RHOQ: variants seen among roughly 807,000 people sequenced by gnomAD.
The protein encoded by RHOQ is rho-related GTP-binding protein RhoQ.
In RHOQ, 7 loss-of-function variants were observed where a neutral mutation model predicts 25.8. That is an observed-to-expected ratio of 0.27 (90% confidence interval 0.15 to 0.51). The LOEUF (loss-of-function observed/expected upper bound fraction) is 0.51, where lower values mean the gene tolerates loss of function less well. RHOQ is among the 20% of genes least tolerant of loss of function. RHOQ has a pLI of 0.97. For synonymous variants in RHOQ, 97 were observed against 98.6 expected (o/e 0.98, Z 0.10); for missense variants, 165 against 260.6 (o/e 0.63, Z 2.53).
At chr2:46,563,644 A>G (rs942504361) in intron 2 of RHOQ, among the ~76,000 whole-genome samples, 1 of 150,940 alleles carries the variant, frequency 6.6e-6, no homozygotes, top group Non-Finnish European at 1.5e-5. Flanking sequence ...CAACACATCA[A>G]CTCTTGGCCT....
At chr2:46,564,957 A>G (rs73926508) in intron 2 of RHOQ, among the ~76,000 whole-genome samples, 3,770 of 152,308 alleles carry the variant, frequency 0.025, 161 homozygotes, top group African/African-American at 0.087. Flanking sequence ...ATGTAGAGGG[A>G]GCCCTGAATA....
In RHOQ at chr2:46,543,807, G is replaced by T. The variant is rs371750832; in HGVS notation, c.196G>T (p.Gly66Ter). The T allele has an allele frequency of 1.2e-6, 2 of 1,613,278 alleles. No individual in the cohort carries two copies. The highest frequency in any genetic ancestry group is 1.7e-6 in the Non-Finnish European group (2 of 1,179,568). ...QYLLGLYDTAGQEDYDRLRPL... is the reference protein window; with the variant it reads ...QYLLGLYDTA ...CCTCCTAGGACTCTATGACACGGCC[G>T]GACAGGTGAGTGTCTTGGCCTCTGG... The change falls in exon 2 of 5, where the codon GGA becomes TGA. Residue 66 changes from glycine (G) to a stop codon, truncating the protein, a stop_gained. Transcript: ENST00000238738. LOFTEE classifies it high-confidence loss of function.
intron 2 of RHOQ, among the ~76,000 whole-genome samples, chr2:46,546,266 G>A (rs1668040135): frequency 6.6e-6 from 1 of 151,320 alleles, no homozygotes; most frequent in African/African-American, 2.4e-5. Flanking sequence ...TCTGTCTCGG[G>A]TCTCTGTTCA....
chr2:46,555,844 G>A lies in RHOQ; in HGVS notation c.201+12032G>A, dbSNP rs541489599. Reference sequence around the variant, plus strand: ...CACTTGTGTCTTGACTGGGAGACCGGAATGCCTCCTGTTGTCTGAACAAGC... The same window carrying A: ...CACTTGTGTCTTGACTGGGAGACCGAAATGCCTCCTGTTGTCTGAACAAGC... On this transcript the variant is annotated intron_variant, in intron 2 of 4. Coordinates refer to ENST00000238738, the MANE Select transcript of RHOQ (RefSeq NM_012249.4). This position sits in a 1 kb window ranked among gnomAD's most constrained non-coding sequence, Gnocchi z 4.3. Among the ~76,000 whole-genome samples the A allele has an allele frequency of 1.8e-4, 28 of 152,292 alleles. No individual in the cohort carries two copies. The highest frequency in any genetic ancestry group is 6.0e-4 in the African/African-American group (25 of 41,554).
At chr2:46,553,720 C>T (rs575026549) in intron 2 of RHOQ, among the ~76,000 whole-genome samples, 1 of 151,046 alleles carries the variant, frequency 6.6e-6, no homozygotes, top group South Asian at 2.1e-4. Context: ...GCTGGGACTA[C>T]AGGTGCCCGC....
At chr2:46,558,462 A>C (rs1017763417) in intron 2 of RHOQ, among the ~76,000 whole-genome samples, 3 of 152,158 alleles carry the variant, frequency 2.0e-5, no homozygotes, top group Non-Finnish European at 4.4e-5. Flanking sequence ...GGAATTTTTA[A>C]GGCATTGTCC....
intron 2 of RHOQ, among the ~76,000 whole-genome samples, chr2:46,560,142 T>A (rs1454436416): frequency 6.6e-6 from 1 of 152,158 alleles, no homozygotes; most frequent in Non-Finnish European, 1.5e-5. Flanking sequence ...TTCCCATAGC[T>A]TCAGACCCTC....
At chr2:46,560,494 G>C in intron 2 of RHOQ, 1 of 447,196 alleles carries the variant, frequency 2.2e-6, no homozygotes, top group Non-Finnish European at 4.6e-6. Flanking sequence ...GGCTCCTGAT[G>C]AATTAATAAA....
chr2:46,569,306 A>C lies in RHOQ; in HGVS notation c.202-6781A>C, dbSNP rs1358656095. On this transcript the variant is annotated intron_variant, in intron 2 of 4. Transcript: ENST00000238738. This position sits in a 1 kb window ranked among gnomAD's most constrained non-coding sequence, Gnocchi z 4.1. ...GTGGTGGTCAGCTTAGATAAAATGG[A>C]ATCCTAAAACTTGATTTTTATCCCG... The C allele has an allele frequency of 6.6e-6, 1 of 152,222 alleles. No homozygotes were observed. The highest frequency in any genetic ancestry group is 1.5e-5 in the Non-Finnish European group (1 of 68,042). 9.4% of individuals were successfully genotyped at this position (152,222 alleles called of 1,614,324 possible). A position where few individuals can be genotyped will look rare whatever the true frequency, so the allele number is the denominator to read the frequency against.
In RHOQ at chr2:46,581,208, T is replaced by C. The variant is rs1669355477; in HGVS notation, c.*125T>C. The C allele has an allele frequency of 1.0e-6, 1 of 965,932 alleles. No homozygotes were observed. The highest frequency in any genetic ancestry group is 3.4e-4 in the Middle Eastern group (1 of 2,930). The allele number at this position is 965,932 out of a possible 1,614,324, so 59.8% of individuals were successfully genotyped here. On this transcript the variant is annotated 3_prime_UTR_variant, in exon 5 of 5. Transcript: ENST00000238738. ...AAAACTTGAAAGAAAACAAAACCTG[T>C]CCTCAGAATTCTATAAAGTGTATTA...
intron 2 of RHOQ, among the ~76,000 whole-genome samples, chr2:46,544,332 A>G (rs938234533): frequency 5.9e-5 from 9 of 152,170 alleles, no homozygotes; most frequent in Non-Finnish European, 1.0e-4. Context: ...TTGTGGTGTT[A>G]CCAAAGGACC....
At chr2:46,579,882 C>T (rs543966652) in intron 4 of RHOQ, among the ~76,000 whole-genome samples, 1 of 151,692 alleles carries the variant, frequency 6.6e-6, no homozygotes, top group Non-Finnish European at 1.5e-5. Context: ...CTTGACCTTG[C>T]TCTTTCTCCC....
rs1367379739 is a variant in RHOQ, at chr2:46,556,623, T to G, written c.201+12811T>G. 6.6e-6 allele frequency among the ~76,000 whole-genome samples: 1 copy of G among 152,118 alleles called. No homozygotes were observed. Among genetic ancestry groups the G allele is most frequent in the Non-Finnish European group, 1.5e-5 (1 of 68,034 alleles). On this transcript the variant is annotated intron_variant, in intron 2 of 4. Transcript: ENST00000238738. This position sits in a 1 kb window ranked among gnomAD's most constrained non-coding sequence, Gnocchi z 4.9. ...TATTTATCAAACATATAAATATCCATTAAACATAAGAGTGAGGTGAGGAAC... is the reference window on the plus strand; with the variant it reads ...TATTTATCAAACATATAAATATCCAGTAAACATAAGAGTGAGGTGAGGAAC...
chr2:46,555,031 C>T lies in RHOQ; in HGVS notation c.201+11219C>T, dbSNP rs148150764. Reference sequence around the variant, plus strand: ...GAGGTGTTTCCACCAGCCTCCTTGGCCCTGGAGGAATGGGGAAGGGACTGG... The same window carrying T: ...GAGGTGTTTCCACCAGCCTCCTTGGTCCTGGAGGAATGGGGAAGGGACTGG... On this transcript the variant is annotated intron_variant, in intron 2 of 4. Coordinates refer to ENST00000238738, the MANE Select transcript of RHOQ (RefSeq NM_012249.4). This position sits in a 1 kb window ranked among gnomAD's most constrained non-coding sequence, Gnocchi z 4.3. Among the ~76,000 whole-genome samples, 88 of 152,274 alleles carry T rather than the reference C, an allele frequency of 5.8e-4. 1 individual carries two copies. The East Asian group carries it at 0.015, about 26-fold the overall frequency.
At chr2:46,575,017 T>C (rs1031620456) in intron 2 of RHOQ, among the ~76,000 whole-genome samples, 2 of 152,190 alleles carry the variant, frequency 1.3e-5, no homozygotes, top group African/African-American at 4.8e-5. Context: ...CTGTTCACTC[T>C]CGAGAATGTA....
chr2:46,572,143 G>T (rs1458949466), intron 2 of RHOQ, among the ~76,000 whole-genome samples: 1 of 121,292 alleles, frequency 8.2e-6, no homozygotes, highest in East Asian at 2.1e-4. Context: ...TTGAGACAGG[G>T]TCTCACTCTG....
intron 2 of RHOQ, 89 bp downstream of exon 2, chr2:46,543,901 G>A (rs1381729920): frequency 9.2e-7 from 1 of 1,084,782 alleles, no homozygotes; most frequent in African/African-American, 1.6e-5. Flanking sequence ...AGGTGTCTAG[G>A]TGGGAGGGTG....
chr2:46,572,711 A>G lies in RHOQ; in HGVS notation c.202-3376A>G, dbSNP rs1430403784. 5.4e-5 allele frequency: 24 copies of G among 442,658 alleles called. No individual in the cohort carries two copies. The Admixed American group carries it at 6.2e-4, about 11-fold the overall frequency. 27.4% of individuals were successfully genotyped at this position (442,658 alleles called of 1,614,324 possible). On this transcript the variant is annotated intron_variant, in intron 2 of 4. Coordinates refer to ENST00000238738, the MANE Select transcript of RHOQ (RefSeq NM_012249.4). ...ATTTTAAAATTAGAACTAAAATATA[A>G]TGGGTTTGTTAATTAGGAGGACACT...
intron 2 of RHOQ, among the ~76,000 whole-genome samples, chr2:46,547,208 G>A (rs945425355): frequency 6.6e-6 from 1 of 152,168 alleles, no homozygotes; most frequent in African/African-American, 2.4e-5. Flanking sequence ...CATGCATGTG[G>A]GCACTCATTG....
Sources: allele counts gnomAD v4.1 joint callset (sites outside exome capture counted in the v4.1 genomes callset), GRCh38; gene constraint gnomAD v4.1.1; non-coding constraint Gnocchi (gnomAD v3.1); transcripts MANE v1.5; gene names NCBI Gene and HGNC (gene_info 2026-07-23, HGNC 2026-07-21).